ADD3: variants seen among roughly 807,000 people sequenced by gnomAD.
ADD3 encodes adducin 3, also known as gamma-adducin.
In ADD3, 25 loss-of-function variants were observed where a neutral mutation model predicts 80.2. The observed-to-expected ratio is 0.31, with a 90% confidence interval of 0.23 to 0.44. The LOEUF is 0.44. Ranked by LOEUF, ADD3 falls within the 20% of genes least tolerant of loss-of-function variation. ADD3 has a pLI of 1.00. For missense variants in ADD3, 829 were observed against 847.5 expected, an observed-to-expected ratio of 0.98 and a Z score of 0.27; for synonymous variants, 284 against 289.6, an observed-to-expected ratio of 0.98 and a Z score of 0.20.
chr10:110,074,646 C>A (rs1195788701), intron 1 of ADD3, among the ~76,000 whole-genome samples: 14 of 151,308 alleles, frequency 9.3e-5, no homozygotes, highest in Admixed American at 9.2e-4. Context: ...TGCTATCTTT[C>A]TCTTTTTGCT....
chr10:110,045,244 C>T (rs1856791831), intron 1 of ADD3, among the ~76,000 whole-genome samples: 1 of 152,218 alleles, frequency 6.6e-6, no homozygotes. Context: ...GTCCCAGCTA[C>T]TTGGGAGGCT....
At chr10:110,112,972 T>C (rs1850240240) in intron 3 of ADD3, 57 bp downstream of exon 3, 2 of 1,552,056 alleles carry the variant, frequency 1.3e-6, no homozygotes, top group East Asian at 2.2e-5. Context: ...TTTGGACCAC[T>C]ATACATCTCT....
At chr10:110,078,871 C>T (rs781572063) in intron 1 of ADD3, among the ~76,000 whole-genome samples, 7 of 152,196 alleles carry the variant, frequency 4.6e-5, no homozygotes, top group Admixed American at 1.3e-4. Flanking sequence ...AGCTTGCCAA[C>T]GAATTTGCTG....
chr10:110,128,045 T>C (rs546684620), intron 12 of ADD3, among the ~76,000 whole-genome samples: 276 of 145,872 alleles, frequency 1.9e-3, no homozygotes, highest in African/African-American at 7.0e-3. Context: ...AACCTTTGTT[T>C]AGGATTTTTT....
At chr10:110,021,984 G>C (rs1853732824) in intron 1 of ADD3, among the ~76,000 whole-genome samples, 2 of 152,182 alleles carry the variant, frequency 1.3e-5, no homozygotes, top group Non-Finnish European at 2.9e-5. Flanking sequence ...AAACAGAACT[G>C]TTTTCCCAGT....
intron 14 of ADD3, 27 bp downstream of exon 14, chr10:110,132,427 A>T: frequency 6.8e-7 from 1 of 1,462,446 alleles, no homozygotes; most frequent in Non-Finnish European, 9.6e-7. Context: ...CCCACATAGC[A>T]TTCACTGAGT....
chr10:110,010,036 T>C (rs2132942382), intron 1 of ADD3, among the ~76,000 whole-genome samples: 1 of 152,382 alleles, frequency 6.6e-6, no homozygotes, highest in Non-Finnish European at 1.5e-5. Context: ...CACACTTTGC[T>C]GTCTCACCCC....
chr10:110,102,052 A>C (rs1848870895), intron 2 of ADD3, among the ~76,000 whole-genome samples: 1 of 152,212 alleles, frequency 6.6e-6, no homozygotes, highest in Admixed American at 6.5e-5. Context: ...CTCCCATACC[A>C]GTGGCCTCGG....
At chr10:110,023,997 G>A (rs1853988406) in intron 1 of ADD3, among the ~76,000 whole-genome samples, 1 of 152,120 alleles carries the variant, frequency 6.6e-6, no homozygotes, top group Non-Finnish European at 1.5e-5. Context: ...CAGAACAGTC[G>A]ACACTGGGGA....
intron 5 of ADD3, among the ~76,000 whole-genome samples, chr10:110,118,280 C>T (rs1054006531): frequency 4.6e-5 from 7 of 152,134 alleles, no homozygotes; most frequent in Admixed American, 1.3e-4. Context: ...TTCAGACCTC[C>T]GATGAAGAGC....
At chr10:110,122,022 C>A in intron 8 of ADD3, 88 bp from the exon 9 acceptor site, 2 of 1,207,172 alleles carry the variant, frequency 1.7e-6, no homozygotes, top group South Asian at 3.5e-5. Flanking sequence ...AGATATTTGC[C>A]AAATTGAAAT....
At position 110,098,939 on chromosome 10, in the gene ADD3, C is replaced by CT. The variant is rs904677360; in HGVS notation, c.-29-1680dup. On this transcript the variant is annotated intron_variant, in intron 1 of 14. Transcript: ENST00000356080. ...CACTGTGCCGGCCTGAATACAGAAACTTTTTTGCCTCACTCCATCGCCCAG... is the reference window on the plus strand; with the variant it reads ...CACTGTGCCGGCCTGAATACAGAAACTTTTTTTGCCTCACTCCATCGCCCAG... Among the ~76,000 whole-genome samples, 14 of 151,974 alleles carry CT rather than the reference C, an allele frequency of 9.2e-5. No homozygotes were observed. In the South Asian group the frequency reaches 2.9e-3, roughly 32 times the overall value.
intron 1 of ADD3, among the ~76,000 whole-genome samples, chr10:110,025,597 A>G (rs545234060): frequency 6.6e-6 from 1 of 151,804 alleles, no homozygotes; most frequent in East Asian, 1.9e-4. Flanking sequence ...AGAGGGTGAT[A>G]AAATCTAGAT....
At chr10:110,093,684 A>G (rs553379557) in intron 1 of ADD3, among the ~76,000 whole-genome samples, 11 of 152,146 alleles carry the variant, frequency 7.2e-5, no homozygotes, top group Non-Finnish European at 1.0e-4. Context: ...ATGTTCCATG[A>G]CATTTTATTA....
At chr10:110,003,127 C>T (rs2133685096), upstream of ADD3, among the ~76,000 whole-genome samples, 2 of 151,816 alleles carry the variant, frequency 1.3e-5, no homozygotes, top group South Asian at 4.2e-4. Flanking sequence ...GGCTGTTGTG[C>T]TTCATTAAGT....
chr10:110,033,877 G>A (rs1855334998), intron 1 of ADD3, among the ~76,000 whole-genome samples: 1 of 152,296 alleles, frequency 6.6e-6, no homozygotes, highest in Non-Finnish European at 1.5e-5. Context: ...CACTAATGTA[G>A]ATCATTAGTT....
chr10:110,058,992 T>G (rs1447076037), intron 1 of ADD3, among the ~76,000 whole-genome samples: 3 of 152,246 alleles, frequency 2.0e-5, no homozygotes, highest in Admixed American at 1.3e-4. Flanking sequence ...ATTTAATTTA[T>G]AAATCACTTA....
At chr10:110,111,913 C>CA (rs58821402) in intron 2 of ADD3, among the ~76,000 whole-genome samples, 213 of 141,454 alleles carry the variant, frequency 1.5e-3, no homozygotes, top group Admixed American at 3.8e-3. Context: ...AACTCTGTCT[C>CA]AAAAAAAAAA....
chr10:110,002,825 C>G (rs1200093873), upstream of ADD3, among the ~76,000 whole-genome samples: 1 of 152,120 alleles, frequency 6.6e-6, no homozygotes, highest in East Asian at 1.9e-4. Context: ...GTATAAAGAT[C>G]TTTCAGATAT....
Sources: allele counts gnomAD v4.1 joint callset (sites outside exome capture counted in the v4.1 genomes callset), GRCh38; gene constraint gnomAD v4.1.1; transcripts MANE v1.5; gene names NCBI Gene and HGNC (gene_info 2026-07-23, HGNC 2026-07-21).